ARHGEF4: variants seen among roughly 807,000 people sequenced by gnomAD.
ARHGEF4 encodes Rho guanine nucleotide exchange factor 4.
In ARHGEF4, 119 loss-of-function variants were observed where a neutral mutation model predicts 162.0. The ratio of observed to expected loss-of-function variants is 0.73; its 90% CI spans 0.63 to 0.86. ARHGEF4 has a LOEUF of 0.86. Among genes scored for constraint, ARHGEF4 ranks in the 40% least tolerant of loss-of-function variants. ARHGEF4 has a pLI of 0.00. For missense variants in ARHGEF4, 2,488 were observed against 2,456.0 expected (o/e 1.01, Z -0.28); for synonymous variants, 1,014 against 979.9 (o/e 1.03, Z -0.65).
At chr2:131,041,711 C>A in intron 9 of ARHGEF4, 104 bp from the exon 10 acceptor site, 1 of 1,487,648 alleles carries the variant, frequency 6.7e-7, no homozygotes, top group Non-Finnish European at 9.0e-7. Flanking sequence ...GGTCAAAGGG[C>A]ACAGCCCCAG....
intron 1 of ARHGEF4, among the ~76,000 whole-genome samples, chr2:130,912,594 G>T (rs994098493): frequency 6.6e-6 from 1 of 152,176 alleles, no homozygotes; most frequent in African/African-American, 2.4e-5. Flanking sequence ...TGCCTGGGAG[G>T]GGCCGGTGGG....
At chr2:131,023,286 A>C (rs1029616554) in intron 4 of ARHGEF4, among the ~76,000 whole-genome samples, 4 of 151,914 alleles carry the variant, frequency 2.6e-5, no homozygotes, top group African/African-American at 9.7e-5. Flanking sequence ...CCAGAAAATT[A>C]GGCAAGTGTG....
At chr2:130,970,302 T>C (rs2105217744) in intron 4 of ARHGEF4, among the ~76,000 whole-genome samples, 1 of 152,182 alleles carries the variant, frequency 6.6e-6, no homozygotes, top group African/African-American at 2.4e-5. Flanking sequence ...TTAAAAGCCA[T>C]TCTAGGTTGG....
intron 4 of ARHGEF4, among the ~76,000 whole-genome samples, chr2:130,957,594 G>C (rs907607111): frequency 6.6e-6 from 1 of 152,100 alleles, no homozygotes; most frequent in Non-Finnish European, 1.5e-5. Context: ...GTACACTCGT[G>C]GGCTGGATGT....
chr2:130,924,862 A>G (rs1474875846), intron 2 of ARHGEF4, among the ~76,000 whole-genome samples: 4 of 152,186 alleles, frequency 2.6e-5, no homozygotes, highest in Non-Finnish European at 5.9e-5. Flanking sequence ...TTAAGACCAC[A>G]CTGAGACCCA....
Position 130,914,661 on chromosome 2 carries a change from C to G in ARHGEF4, c.715C>G (p.Arg239Gly). The stretch of plus-strand genomic sequence containing the variant: ...CCTTCTCTGGTGCTGTGAACTGGGT[C>G]GGAGTTGGCCACATATCCACAACAG... ...PFLLWCCELG[R>G]SWPHIHNRAR... Residue 239 changes from arginine (R) to glycine (G), a missense_variant, in exon 2 of 14, where the codon CGG (arginine) becomes GGG (glycine). This residue lies in a region of ARHGEF4 where 1,642 missense variants were observed against 1,481.5 expected (regional missense o/e 1.11). Transcript: ENST00000409359. The G allele has an allele frequency of 7.2e-7, 1 of 1,388,026 alleles. No homozygotes were observed. The highest frequency in any genetic ancestry group is 9.3e-7 in the Non-Finnish European group (1 of 1,077,660). The allele number at this position is 1,388,026 out of a possible 1,614,324, so 86.0% of individuals were successfully genotyped here. A position where few individuals can be genotyped will look rare whatever the true frequency, so the allele number is the denominator to read the frequency against.
intron 2 of ARHGEF4, among the ~76,000 whole-genome samples, chr2:130,930,042 A>G (rs1431286408): frequency 1.3e-5 from 2 of 150,508 alleles, no homozygotes; most frequent in African/African-American, 4.9e-5. Context: ...TACAGGGCCC[A>G]CCACCACACC....
In ARHGEF4 at chr2:130,872,440, C is replaced by T. The variant is rs1003626462; in HGVS notation, c.39+35448C>T. Among the ~76,000 whole-genome samples, 13 of 152,236 alleles carry T rather than the reference C, an allele frequency of 8.5e-5. No homozygotes were observed. The East Asian group carries it at 1.2e-3, about 14-fold the overall frequency. ...CAGCCCCAGGTACTTCTATCCAAAG[C>T]AGGGTCCCCCCAGGCCCCCTGCCCA... On this transcript the variant is annotated intron_variant, in intron 1 of 13. Transcript: ENST00000409359.
chr2:130,921,090 C>T (rs551183485), intron 2 of ARHGEF4, among the ~76,000 whole-genome samples: 9 of 152,222 alleles, frequency 5.9e-5, no homozygotes, highest in Admixed American at 1.3e-4. Context: ...CGTGTTACTA[C>T]TTTATTACTA....
chr2:130,980,103 CGTT>C (rs1558800529), intron 4 of ARHGEF4, among the ~76,000 whole-genome samples: 1 of 152,074 alleles, frequency 6.6e-6, no homozygotes, highest in African/African-American at 2.4e-5. Context: ...ACATAAAAAA[CGTT>C]GTAAGTCTGG....
intron 1 of ARHGEF4, among the ~76,000 whole-genome samples, chr2:130,856,803 T>TA (rs140947078): frequency 0.06 from 9,108 of 151,338 alleles, 602 homozygotes; most frequent in African/African-American, 0.16. Context: ...TAAAGTATAT[T>TA]AAAAAAAAAG....
intron 1 of ARHGEF4, among the ~76,000 whole-genome samples, chr2:130,870,547 T>A (rs949741280): frequency 2.6e-5 from 4 of 152,170 alleles, no homozygotes; most frequent in Non-Finnish European, 5.9e-5. Context: ...CAATCTCATA[T>A]GACCTTCTCA....
chr2:130,975,484 G>A (rs887060759), intron 4 of ARHGEF4, among the ~76,000 whole-genome samples: 3 of 152,028 alleles, frequency 2.0e-5, no homozygotes, highest in Non-Finnish European at 2.9e-5. Context: ...CAAAAAACTC[G>A]GGACAGCCCT....
intron 1 of ARHGEF4, among the ~76,000 whole-genome samples, chr2:130,879,738 C>T (rs1321969504): frequency 6.6e-6 from 1 of 152,106 alleles, no homozygotes; most frequent in Non-Finnish European, 1.5e-5. Flanking sequence ...CCAAGTTCAT[C>T]CATGTTGTTG....
chr2:130,855,869 A>G (rs1193178160), intron 1 of ARHGEF4, among the ~76,000 whole-genome samples: 2 of 152,364 alleles, frequency 1.3e-5, no homozygotes, highest in African/African-American at 4.8e-5. Flanking sequence ...AACAACAACC[A>G]TAACAATATC....
intron 1 of ARHGEF4, among the ~76,000 whole-genome samples, chr2:130,837,967 C>T (rs937219275): frequency 1.3e-5 from 2 of 152,214 alleles, no homozygotes; most frequent in African/African-American, 2.4e-5. Context: ...GTGAAAGGGG[C>T]AGGAAGCCAG....
chr2:130,875,279 A>G (rs760514081), intron 1 of ARHGEF4, among the ~76,000 whole-genome samples: 2 of 152,134 alleles, frequency 1.3e-5, no homozygotes, highest in Non-Finnish European at 2.9e-5. Flanking sequence ...GCCCCACATC[A>G]GTCTCCAGCC....
Position 130,869,681 on chromosome 2 carries a change from A to T in ARHGEF4, c.39+32689A>T, listed in dbSNP as rs571633104. Reference sequence around the variant, plus strand: ...GGGTATGAAAGGAAGCTAGTGAGGCAGGGGAATGCCAGGCAGCAGTCACGG... The same window carrying T: ...GGGTATGAAAGGAAGCTAGTGAGGCTGGGGAATGCCAGGCAGCAGTCACGG... On this transcript the variant is annotated intron_variant, in intron 1 of 13. Transcript: ENST00000409359. Among the ~76,000 whole-genome samples the T allele has an allele frequency of 1.9e-4, 29 of 152,336 alleles. No individual in the cohort carries two copies. In the South Asian group the frequency reaches 5.8e-3, roughly 30 times the overall value.
chr2:131,035,694 C>T (rs2105390803), intron 5 of ARHGEF4: 1 of 985,884 alleles, frequency 1.0e-6, no homozygotes, highest in Non-Finnish European at 1.2e-6. Flanking sequence ...AGTTGTTTTT[C>T]CCGTTTTAGG....
Sources: gnomAD v4.1 joint callset for allele counts (sites outside exome capture counted in the v4.1 genomes callset) on GRCh38, gnomAD v4.1.1 for gene constraint, gnomAD v4.1.1 regional missense constraint, MANE v1.5 for transcripts, NCBI Gene and HGNC (gene_info 2026-07-23, HGNC 2026-07-21) for gene names.